Variants in NMNAT2 observed in about 807,000 individuals in gnomAD.
The protein encoded by NMNAT2 is nicotinamide nucleotide adenylyltransferase 2.
Under a neutral mutation model 41.6 loss-of-function variants are expected in NMNAT2, and 11 were observed. That is an observed-to-expected ratio of 0.26 (90% CI 0.17 to 0.44). NMNAT2 has a LOEUF of 0.44. Among genes scored for constraint, NMNAT2 ranks in the 20% least tolerant of loss-of-function variants. NMNAT2 has a pLI of 1.00. For synonymous variants in NMNAT2, 148 were observed against 151.2 expected (o/e 0.98, Z 0.16); for missense variants, 288 against 407.7 (o/e 0.71, Z 2.53).
chr1:183,293,774 C>A lies in NMNAT2; in HGVS notation c.105G>T (p.Leu35=), dbSNP rs1363040702. Reference sequence around the variant, plus strand: ...TCACAATAAACCTTCCAGTTTTGTGCAGATAATCCCTGGCTCTTTCTAATT... The same window carrying A: ...TCACAATAAACCTTCCAGTTTTGTGAAGATAATCCCTGGCTCTTTCTAATT... ...IQMFERARDY[L]HKTGRFIVIG... The change falls in exon 2 of 11, where the codon CTG becomes CTT. Residue 35 remains leucine, a synonymous_variant. Coordinates refer to ENST00000287713, the MANE Select transcript of NMNAT2 (RefSeq NM_015039.4). 1 of 1,613,688 alleles carries A rather than the reference C, an allele frequency of 6.2e-7. No homozygotes were observed. The highest frequency in any genetic ancestry group is 8.5e-7 in the Non-Finnish European group (1 of 1,179,582).
intron 8 of NMNAT2, among the ~76,000 whole-genome samples, chr1:183,277,959 C>T (rs964168899): frequency 1.3e-5 from 2 of 152,130 alleles, no homozygotes; most frequent in East Asian, 1.9e-4. Context: ...TAAGAACGAA[C>T]GTATGTGTGA....
At chr1:183,260,199 A>G (rs1660622254) in intron 10 of NMNAT2, among the ~76,000 whole-genome samples, 4 of 152,136 alleles carry the variant, frequency 2.6e-5, no homozygotes, top group African/African-American at 9.7e-5. Context: ...GGGTCACCTT[A>G]AAGACAAAGC....
At chr1:183,256,571 T>G (rs1660520506) in intron 10 of NMNAT2, among the ~76,000 whole-genome samples, 1 of 152,238 alleles carries the variant, frequency 6.6e-6, no homozygotes, top group Non-Finnish European at 1.5e-5. Flanking sequence ...TGGTTTTATC[T>G]TTCAGTCTAT....
intron 1 of NMNAT2, among the ~76,000 whole-genome samples, chr1:183,347,229 G>C (rs1201077999): frequency 2.6e-5 from 4 of 152,112 alleles, no homozygotes; most frequent in Non-Finnish European, 5.9e-5. Flanking sequence ...CGAGGCTAGA[G>C]GATTGCTTGA....
chr1:183,394,177 A>T (rs1057023423), intron 1 of NMNAT2, among the ~76,000 whole-genome samples: 18 of 152,224 alleles, frequency 1.2e-4, no homozygotes, highest in African/African-American at 4.3e-4. Context: ...CAGTGCCTCT[A>T]CTTGCTGGCT....
At chr1:183,281,012 C>T (rs542525476) in intron 7 of NMNAT2, among the ~76,000 whole-genome samples, 1 of 151,252 alleles carries the variant, frequency 6.6e-6, no homozygotes, top group African/African-American at 2.4e-5. Context: ...CTTGAACTCC[C>T]AACCTCAGGT....
intron 1 of NMNAT2, among the ~76,000 whole-genome samples, chr1:183,403,788 C>T (rs1392479006): frequency 1.3e-5 from 2 of 152,158 alleles, no homozygotes; most frequent in Admixed American, 1.3e-4. Flanking sequence ...TGACAATACA[C>T]ATTGAAAAGT....
chr1:183,409,465 C>T (rs1452746993), intron 1 of NMNAT2, among the ~76,000 whole-genome samples: 1 of 152,000 alleles, frequency 6.6e-6, no homozygotes, highest in African/African-American at 2.4e-5. Context: ...TGCAGATGCA[C>T]ACCACCACAC....
At chr1:183,364,666 T>TCTTTCTTTCTTTCTTTCTTA (rs1663376609) in intron 1 of NMNAT2, among the ~76,000 whole-genome samples, 1 of 150,354 alleles carries the variant, frequency 6.7e-6, no homozygotes, top group African/African-American at 2.4e-5. Context: ...TTTCTTTCTT[T>TCTTTCTTTCTTTCTTTCTTA]CTTACTTTCT....
chr1:183,385,151 A>C (rs1011277215), intron 1 of NMNAT2, among the ~76,000 whole-genome samples: 1 of 152,184 alleles, frequency 6.6e-6, no homozygotes, highest in Non-Finnish European at 1.5e-5. Flanking sequence ...GCAGTGAGCT[A>C]TGATTGAGCC....
At chr1:183,368,355 T>C (rs1477609971) in intron 1 of NMNAT2, among the ~76,000 whole-genome samples, 1 of 152,188 alleles carries the variant, frequency 6.6e-6, no homozygotes, top group Non-Finnish European at 1.5e-5. Context: ...AGAGGGTTCC[T>C]GGAGGCCGGA....
intron 7 of NMNAT2, among the ~76,000 whole-genome samples, chr1:183,278,892 C>T (rs1299769456): frequency 2.0e-5 from 3 of 152,190 alleles, no homozygotes; most frequent in African/African-American, 2.4e-5. Context: ...GGGTGATCGA[C>T]TGCCCTGGCT....
At chr1:183,289,227 AGG>A (rs1661470880) in intron 4 of NMNAT2, among the ~76,000 whole-genome samples, 1 of 152,116 alleles carries the variant, frequency 6.6e-6, no homozygotes, top group Non-Finnish European at 1.5e-5. Flanking sequence ...GGGGCTGCGG[AGG>A]GCTCTGCTGC....
intron 6 of NMNAT2, 91 bp downstream of exon 6, chr1:183,284,619 G>A: frequency 2.8e-6 from 3 of 1,076,490 alleles, no homozygotes; most frequent in East Asian, 2.4e-5. Context: ...TTGCGGTGGG[G>A]GGAATGTGCT....
At chr1:183,260,814 T>C in intron 10 of NMNAT2, among the ~76,000 whole-genome samples, 188 bp downstream of exon 10, 1 of 119,850 alleles carries the variant, frequency 8.3e-6, no homozygotes, top group Admixed American at 9.4e-5. Context: ...AGTGAGACGC[T>C]GTCTCAAAAA....
At chr1:183,297,837 T>C (rs1204862617) in intron 1 of NMNAT2, among the ~76,000 whole-genome samples, 3 of 152,184 alleles carry the variant, frequency 2.0e-5, no homozygotes, top group African/African-American at 7.2e-5. Flanking sequence ...AATCCAGCTA[T>C]ATATAGAAAG....
intron 8 of NMNAT2, among the ~76,000 whole-genome samples, chr1:183,272,940 T>C (rs1339943092): frequency 1.3e-5 from 2 of 152,246 alleles, no homozygotes; most frequent in Non-Finnish European, 2.9e-5. Context: ...TCCCCAGTCA[T>C]GGGCAGTGTT....
chr1:183,360,508 C>T (rs1663285248), intron 1 of NMNAT2, among the ~76,000 whole-genome samples: 1 of 152,130 alleles, frequency 6.6e-6, no homozygotes, highest in South Asian at 2.1e-4. Flanking sequence ...CACGAGTCTC[C>T]GAGAGGAAGA....
chr1:183,295,045 T>C (rs1661650466), intron 1 of NMNAT2, among the ~76,000 whole-genome samples: 1 of 152,244 alleles, frequency 6.6e-6, no homozygotes, highest in African/African-American at 2.4e-5. Context: ...ACGCTGTCAC[T>C]TAGGCTGCAG....
Sources: gnomAD v4.1 joint callset for allele counts (sites outside exome capture counted in the v4.1 genomes callset) on GRCh38, gnomAD v4.1.1 for gene constraint, MANE v1.5 for transcripts, NCBI Gene and HGNC (gene_info 2026-07-23, HGNC 2026-07-21) for gene names.